VKORC1: variants seen among roughly 807,000 people sequenced by gnomAD.
VKORC1 encodes vitamin K epoxide reductase complex subunit 1, also known as phylloquinone epoxide reductase.
In VKORC1, 12 loss-of-function variants were observed where a neutral mutation model predicts 14.8. The observed-to-expected ratio is 0.81, with a 90% CI of 0.52 to 1.31. The LOEUF is 1.31. Among genes scored for constraint, VKORC1 ranks in the 50% most tolerant of loss-of-function variants. The pLI, the probability that VKORC1 is intolerant of heterozygous loss-of-function variation, is 0.00. For synonymous variants in VKORC1, 94 were observed against 92.5 expected (o/e 1.02, Z -0.09); for missense variants, 223 against 215.3 (o/e 1.04, Z -0.22).
intron 2 of VKORC1, among the ~76,000 whole-genome samples, chr16:31,092,474 C>T (rs1372842691): frequency 1.3e-5 from 2 of 152,188 alleles, no homozygotes; most frequent in South Asian, 2.1e-4. Flanking sequence ...CAGCCAGGAC[C>T]ATGGTGCTGG....
rs753124110 is a variant in VKORC1, at chr16:31,091,349, G to C, written c.284-7C>G. 6.2e-7 allele frequency: 1 copy of C among 1,611,788 alleles called. No individual in the cohort carries two copies. Among genetic ancestry groups the C allele is most frequent in the African/African-American group, 1.3e-5 (1 of 74,928 alleles). Reference sequence around the variant, plus strand: ...CAGCGTGTCCGCAGGCAACCTGCAAGGCAGAAGAGGGTCCGGTGTGGGCTT... The same window carrying C: ...CAGCGTGTCCGCAGGCAACCTGCAACGCAGAAGAGGGTCCGGTGTGGGCTT... On this transcript the variant is annotated splice_region_variant and splice_polypyrimidine_tract_variant and intron_variant, in intron 2 of 2. Coordinates refer to ENST00000394975, the MANE Select transcript of VKORC1 (RefSeq NM_024006.6).
intron 2 of VKORC1, among the ~76,000 whole-genome samples, chr16:31,091,622 C>T (rs990369112): frequency 9.9e-5 from 15 of 152,194 alleles, no homozygotes; most frequent in Admixed American, 1.3e-4. Context: ...CACGGTGGCT[C>T]ATGCCTGTAA....
intron 2 of VKORC1, among the ~76,000 whole-genome samples, chr16:31,092,341 A>G (rs2057295555): frequency 6.6e-6 from 1 of 151,918 alleles, no homozygotes; most frequent in African/African-American, 2.4e-5. Flanking sequence ...AAAAAAAAAA[A>G]AAGAAGGCTT....
rs150560447 is a variant in VKORC1, at chr16:31,090,967, G to T, written c.*167C>A. 78 of 1,145,240 alleles carry T rather than the reference G, an allele frequency of 6.8e-5. No individual in the cohort carries two copies. In the African/African-American group the frequency reaches 8.5e-4, roughly 12 times the overall value. The allele number at this position is 1,145,240 out of a possible 1,614,324, so 70.9% of individuals were successfully genotyped here. On this transcript the variant is annotated 3_prime_UTR_variant, in exon 3 of 3. Transcript: ENST00000394975. ...AGAGGCACTGGGTGTAAAAAAGAGC[G>T]AGCGTGTGGCACATTTGGTCCATTG...
Position 31,094,738 on chromosome 16 carries a change from G to T in VKORC1, c.-9C>A. The T allele has an allele frequency of 6.3e-7, 1 of 1,596,154 alleles. No homozygotes were observed. The highest frequency in any genetic ancestry group is 1.1e-5 in the South Asian group (1 of 89,248). The stretch of plus-strand genomic sequence containing the variant: ...CCCCAGGTGCTGCCCATTATCTCCA[G>T]GTTCCGCCCGAGGCGCCCGCGGAGA... On this transcript the variant is annotated 5_prime_UTR_variant, in exon 1 of 3. In the 5' UTR this introduces an upstream ATG that the reference lacks. Transcript: ENST00000394975.
At chr16:31,093,699 CTT>C (rs71151446) in intron 1 of VKORC1, 97 of 67,956 alleles carry the variant, frequency 1.4e-3, no homozygotes, top group Middle Eastern at 0.014. Context: ...AAGTAAGTCT[CTT>C]TTTTTTTTTT....
intron 2 of VKORC1, chr16:31,092,739 T>C: frequency 7.8e-7 from 1 of 1,276,374 alleles, no homozygotes; most frequent in Non-Finnish European, 1.0e-6. Context: ...AATTTCGGCA[T>C]CTTTTCCACA....
At chr16:31,092,877 AAAAC>A in intron 2 of VKORC1, 9 of 803,090 alleles carry the variant, frequency 1.1e-5, no homozygotes, top group Non-Finnish European at 1.4e-5. Flanking sequence ...CTACCAAAAA[AAAAC>A]AAAAACAAAA....
chr16:31,092,659 G>C, intron 2 of VKORC1: 8 of 1,195,564 alleles, frequency 6.7e-6, no homozygotes, highest in Non-Finnish European at 8.5e-6. Context: ...TATGGGACTA[G>C]ATACAAATTT....
intron 1 of VKORC1, chr16:31,093,854 C>A: frequency 3.5e-6 from 1 of 289,052 alleles, no homozygotes; most frequent in South Asian, 4.1e-5. Flanking sequence ...ATTAAGGCAC[C>A]CGCCATAGCG....
chr16:31,093,520 C>T (rs1172580115), intron 1 of VKORC1, 99 bp from the exon 2 acceptor site: 6 of 1,582,220 alleles, frequency 3.8e-6, no homozygotes, highest in East Asian at 4.6e-5. Flanking sequence ...GCCACCTGGG[C>T]TATCCTCTGT....
chr16:31,093,247 G>C (rs1330811778), intron 2 of VKORC1, 65 bp downstream of exon 2: 4 of 1,494,270 alleles, frequency 2.7e-6, no homozygotes, highest in Non-Finnish European at 3.6e-6. Context: ...ATGGAGTGGG[G>C]CTGAGCTGAC....
At chr16:31,094,354 C>T (rs1473200357) in intron 1 of VKORC1, 1 of 1,612,838 alleles carries the variant, frequency 6.2e-7, no homozygotes, top group African/African-American at 1.3e-5. Flanking sequence ...TAATCCCAGT[C>T]CCCAGCACTG....
chr16:31,094,402 G>A (rs2057313228), intron 1 of VKORC1, 155 bp downstream of exon 1: 2 of 1,612,910 alleles, frequency 1.2e-6, no homozygotes, highest in African/African-American at 2.7e-5. Flanking sequence ...TCGAACACCA[G>A]TATCGCTGGG....
Position 31,091,218 on chromosome 16 carries a change from G to A in VKORC1, c.408C>T (p.Ile136=), listed in dbSNP as rs1396849650. Residue 136 remains isoleucine, a synonymous_variant, in exon 3 of 3, where the codon ATC becomes ATT. Transcript: ENST00000394975. ...GGCTCACGTTGATAGCATAGGTGGT[G>A]ATACAAACAATGCAGAAATCATAGA... The part of the protein sequence containing the change: ...FVLYDFCIVC[I]TTYAINVSLM... The A allele has an allele frequency of 6.2e-7, 1 of 1,614,078 alleles. No individual in the cohort carries two copies. Among genetic ancestry groups the A allele is most frequent in the Non-Finnish European group, 8.5e-7 (1 of 1,180,060 alleles).
chr16:31,091,801 G>A (rs560016719), intron 2 of VKORC1, among the ~76,000 whole-genome samples: 1 of 152,160 alleles, frequency 6.6e-6, no homozygotes, highest in East Asian at 1.9e-4. Flanking sequence ...GTGGAGAATC[G>A]CTTGAACCTA....
chr16:31,093,344 C>A lies in VKORC1; in HGVS notation c.251G>T (p.Gly84Val). 1 of 1,614,084 alleles carries A rather than the reference C, an allele frequency of 6.2e-7. No homozygotes were observed. The highest frequency in any genetic ancestry group is 8.5e-7 in the Non-Finnish European group (1 of 1,180,028). Residue 84 changes from glycine (G) to valine (V), a missense_variant, in exon 2 of 3, where the codon GGT becomes GTT. Coordinates refer to ENST00000394975, the MANE Select transcript of VKORC1 (RefSeq NM_024006.6). ...SILNQSNSIFGCIFYTLQLLL... is the reference protein window; with the variant it reads ...SILNQSNSIFVCIFYTLQLLL... ...TAGCTGTAGTGTGTAGAAGATGCAA[C>A]CGAATATGCTGTTGGATTGATTGAG... is the stretch of plus-strand genomic sequence containing the variant.
Position 31,094,747 on chromosome 16 carries a change from C to G in VKORC1, c.-18G>C. The G allele has an allele frequency of 1.3e-6, 2 of 1,585,062 alleles. No individual in the cohort carries two copies. Among genetic ancestry groups the G allele is most frequent in the Non-Finnish European group, 1.7e-6 (2 of 1,169,140 alleles). On this transcript the variant is annotated 5_prime_UTR_variant, in exon 1 of 3. Transcript: ENST00000394975. Reference sequence around the variant, plus strand: ...CTGCCCATTATCTCCAGGTTCCGCCCGAGGCGCCCGCGGAGAAAACCAGCC... The same window carrying G: ...CTGCCCATTATCTCCAGGTTCCGCCGGAGGCGCCCGCGGAGAAAACCAGCC...
intron 2 of VKORC1, among the ~76,000 whole-genome samples, chr16:31,092,176 CAAAAAAAAAAAAA>C (rs35224256): frequency 1.9e-4 from 7 of 37,186 alleles, no homozygotes; most frequent in Admixed American, 4.9e-4. Context: ...GACTATGTCG[CAAAAAAAAAAAAA>C]AAAAAAAAAA....
Sources: gnomAD v4.1 joint callset for allele counts (sites outside exome capture counted in the v4.1 genomes callset) on GRCh38, gnomAD v4.1.1 for gene constraint, MANE v1.5 for transcripts, NCBI Gene and HGNC (gene_info 2026-07-23, HGNC 2026-07-21) for gene names.